TNNI3K: variants seen among roughly 807,000 people sequenced by gnomAD.
TNNI3K encodes serine/threonine-protein kinase TNNI3K.
Under a neutral mutation model 114.5 loss-of-function variants are expected in TNNI3K, and 140 were observed. The ratio of observed to expected loss-of-function variants is 1.22; its 90% CI spans 1.07 to 1.41. The LOEUF (loss-of-function observed/expected upper bound fraction) is 1.41. TNNI3K is among the 40% of genes most tolerant of loss of function. The pLI is 0.00. For synonymous variants in TNNI3K, 347 were observed against 347.5 expected, an observed-to-expected ratio of 1.00 and a Z score of 0.02; for missense variants, 1,125 against 1,007.6, an observed-to-expected ratio of 1.12 and a Z score of -1.58.
At chr1:74,286,429 G>A (rs1311952085) in intron 5 of TNNI3K, among the ~76,000 whole-genome samples, 1 of 152,070 alleles carries the variant, frequency 6.6e-6, no homozygotes, top group Non-Finnish European at 1.5e-5. Flanking sequence ...TGCCAGGAAG[G>A]CCCCCATAAG....
At chr1:74,394,803 G>A (rs1200774877) in intron 17 of TNNI3K, among the ~76,000 whole-genome samples, 1 of 152,174 alleles carries the variant, frequency 6.6e-6, no homozygotes, top group African/African-American at 2.4e-5. Flanking sequence ...CCAGCACTTT[G>A]GGAGGCTGAG....
chr1:74,376,319 T>C (rs1181093152), intron 17 of TNNI3K, among the ~76,000 whole-genome samples: 1 of 152,054 alleles, frequency 6.6e-6, no homozygotes, highest in Non-Finnish European at 1.5e-5. Context: ...TTGTTAATTT[T>C]CTAATTTGTG....
chr1:74,493,744 G>C (rs1159671107), intron 23 of TNNI3K, among the ~76,000 whole-genome samples: 1 of 152,140 alleles, frequency 6.6e-6, no homozygotes, highest in Non-Finnish European at 1.5e-5. Context: ...TGTACTACCT[G>C]GGGTATATTC....
intron 5 of TNNI3K, among the ~76,000 whole-genome samples, chr1:74,291,057 A>C (rs1394860254): frequency 6.6e-6 from 1 of 151,698 alleles, no homozygotes; most frequent in Non-Finnish European, 1.5e-5. Context: ...GTGGATATGC[A>C]TGCAACGACC....
intron 17 of TNNI3K, among the ~76,000 whole-genome samples, chr1:74,390,049 A>T (rs1282293857): frequency 6.6e-6 from 1 of 152,206 alleles, no homozygotes; most frequent in Non-Finnish European, 1.5e-5. Flanking sequence ...TGGGCAATGA[A>T]TAGCACTGGC....
At chr1:74,375,874 TC>T (rs1662879093) in intron 17 of TNNI3K, 1 of 252,882 alleles carries the variant, frequency 4.0e-6, no homozygotes, top group Non-Finnish European at 8.3e-6. Flanking sequence ...ATCAAATCTA[TC>T]TAGGCACCGG....
At chr1:74,258,426 AT>A (rs1016360041) in intron 4 of TNNI3K, among the ~76,000 whole-genome samples, 1 of 152,188 alleles carries the variant, frequency 6.6e-6, no homozygotes, top group Non-Finnish European at 1.5e-5. Flanking sequence ...ATCATGGGAT[AT>A]TGTGTGACTT....
intron 17 of TNNI3K, chr1:74,378,721 G>C (rs1663050163): frequency 1.4e-5 from 2 of 146,214 alleles, no homozygotes; most frequent in Admixed American, 6.9e-5. Flanking sequence ...GTGACGCTGA[G>C]GGCTTGGCAT....
At chr1:74,454,757 T>C (rs771841354) in intron 20 of TNNI3K, among the ~76,000 whole-genome samples, 1 of 152,196 alleles carries the variant, frequency 6.6e-6, no homozygotes, top group Non-Finnish European at 1.5e-5. Context: ...CTGGATAATA[T>C]GGTAGTACAA....
At chr1:74,291,482 T>C (rs938979824) in intron 5 of TNNI3K, among the ~76,000 whole-genome samples, 15 of 151,690 alleles carry the variant, frequency 9.9e-5, no homozygotes, top group African/African-American at 3.4e-4. Context: ...TCTTGTTTTA[T>C]GTCGGGAATA....
At chr1:74,279,980 T>C (rs151327999) in intron 5 of TNNI3K, among the ~76,000 whole-genome samples, 29 of 152,230 alleles carry the variant, frequency 1.9e-4, no homozygotes, top group Admixed American at 1.4e-3. Context: ...ATCGTCCCCT[T>C]AACGCCCCAC....
chr1:74,369,723 C>T (rs1662494187), intron 16 of TNNI3K, 138 bp downstream of exon 16: 5 of 978,602 alleles, frequency 5.1e-6, no homozygotes, highest in East Asian at 5.6e-5. Context: ...TTTTTAATAT[C>T]GCTAATAATT....
intron 9 of TNNI3K, among the ~76,000 whole-genome samples, chr1:74,349,164 A>T (rs1301071304): frequency 6.6e-6 from 1 of 152,204 alleles, no homozygotes; most frequent in Non-Finnish European, 1.5e-5. Flanking sequence ...ATTTTGAGAT[A>T]CATCCCATCA....
At chr1:74,319,557 A>G (rs1659496968) in intron 5 of TNNI3K, among the ~76,000 whole-genome samples, 1 of 152,202 alleles carries the variant, frequency 6.6e-6, no homozygotes, top group Non-Finnish European at 1.5e-5. Flanking sequence ...TATGGACTCC[A>G]TTACCCCAGG....
At chr1:74,410,161 A>G (rs1354305541) in intron 17 of TNNI3K, among the ~76,000 whole-genome samples, 3 of 152,212 alleles carry the variant, frequency 2.0e-5, no homozygotes, top group Non-Finnish European at 4.4e-5. Flanking sequence ...AAAATATACA[A>G]GAGGACCCAG....
At chr1:74,470,167 C>G in intron 21 of TNNI3K, 1 of 400,656 alleles carries the variant, frequency 2.5e-6, no homozygotes, top group Non-Finnish European at 4.4e-6. Flanking sequence ...GCAAAGTATT[C>G]TATTTTGGGT....
intron 17 of TNNI3K, among the ~76,000 whole-genome samples, chr1:74,407,569 G>A (rs1348089144): frequency 6.6e-6 from 1 of 152,112 alleles, no homozygotes; most frequent in Non-Finnish European, 1.5e-5. Context: ...GTGGAATTTG[G>A]TCTGACTCTT....
At chr1:74,330,588 G>C (rs982480829) in intron 5 of TNNI3K, among the ~76,000 whole-genome samples, 18 of 152,100 alleles carry the variant, frequency 1.2e-4, no homozygotes, top group African/African-American at 4.3e-4. Context: ...TCATCACTGA[G>C]TAGTCCCATT....
At chr1:74,277,827 G>A (rs1656775644) in intron 5 of TNNI3K, among the ~76,000 whole-genome samples, 1 of 152,162 alleles carries the variant, frequency 6.6e-6, no homozygotes, top group African/African-American at 2.4e-5. Context: ...CCTTGTGAAG[G>A]TGAGCGTATT....
Sources: allele counts gnomAD v4.1 joint callset (sites outside exome capture counted in the v4.1 genomes callset), GRCh38; gene constraint gnomAD v4.1.1; transcripts MANE v1.5; gene names NCBI Gene and HGNC (gene_info 2026-07-23, HGNC 2026-07-21).